The following ADGRG2 variants were observed in gnomAD, a reference collection of about 807,000 sequenced individuals.
ADGRG2 encodes adhesion G protein-coupled receptor G2, also known as G protein-coupled receptor 64.
A neutral mutation model predicts 74.1 loss-of-function variants in ADGRG2; 26 were observed. The observed-to-expected ratio is 0.35, with a 90% CI of 0.26 to 0.49. The LOEUF is 0.49. ADGRG2 is among the 20% of genes least tolerant of loss of function. The probability of loss-of-function intolerance (pLI) is 0.99; values close to 1 mark genes in which losing one functional copy is unlikely to be tolerated. For missense variants in ADGRG2, 619 were observed against 763.1 expected (o/e 0.81, Z 2.22); for synonymous variants, 296 against 295.2 (o/e 1.00, Z -0.03).
intron 3 of ADGRG2, among the ~76,000 whole-genome samples, chrX:19,050,112 G>A (rs1894333407): frequency 9.0e-6 from 1 of 111,567 alleles, no homozygotes; most frequent in Admixed American, 9.6e-5. Flanking sequence ...TTCTTTGGGA[G>A]GTAATCCCAG....
intron 1 of ADGRG2, among the ~76,000 whole-genome samples, chrX:19,091,248 G>A (rs971976106): frequency 9.0e-6 from 1 of 110,980 alleles, no homozygotes; most frequent in Non-Finnish European, 1.9e-5. Context: ...TGCTTTGAGA[G>A]CCATGGAAAG....
At position 18,990,629 on chromosome X, in the gene ADGRG2, A is replaced by G; in HGVS notation, c.*235T>C. ...AGTCATTCTTAGTGTATTGTTTAAA[A>G]CCAACCTTCTTATAAAATGAAAGAT... On this transcript the variant is annotated 3_prime_UTR_variant, in exon 29 of 29. Transcript: ENST00000379869. 3.7e-6 allele frequency: 1 copy of G among 268,338 alleles called. No homozygotes were observed. The highest frequency in any genetic ancestry group is 5.9e-5 in the East Asian group (1 of 16,977). 22.1% of individuals were successfully genotyped at this position (268,338 alleles called of 1,213,427 possible). A position where few individuals can be genotyped will look rare whatever the true frequency, so the allele number is the denominator to read the frequency against.
chrX:19,107,875 C>CA (rs2062337657), intron 1 of ADGRG2, among the ~76,000 whole-genome samples: 1 of 107,921 alleles, frequency 9.3e-6, no homozygotes. Flanking sequence ...CTGAGGCGGG[C>CA]GGATCACAAA....
At chrX:18,996,251 G>A in intron 26 of ADGRG2, 99 bp from the exon 27 acceptor site, 1 of 448,544 alleles carries the variant, frequency 2.2e-6, no homozygotes, top group Non-Finnish European at 4.0e-6. Context: ...TTTGGCAGCT[G>A]TGGGCAACAT....
rs1331110303 is a variant in ADGRG2, at chrX:19,013,719, C to T, written c.1066G>A (p.Val356Ile). The T allele has an allele frequency of 1.7e-6, 2 of 1,199,096 alleles. No homozygotes were observed. Among genetic ancestry groups the T allele is most frequent in the East Asian group, 3.0e-5 (1 of 33,760 alleles). Residue 356 changes from valine (V) to isoleucine (I), a missense_variant, in exon 16 of 29, where the codon GTC (valine) becomes ATC (isoleucine). By Grantham distance (29) the Val-to-Ile change is conservative. Around this residue, in one of 3 missense-constraint regions of ADGRG2, gnomAD observed 292 missense variants for 318.0 expected, o/e 0.92. Transcript: ENST00000379869. Reference protein sequence around the residue: ...SSPTVSAPANVNTTSAPPVQT... With the variant: ...SSPTVSAPANINTTSAPPVQT... ...ACAGGAGGTGCGCTGGTAGTGTTGA[C>T]ATTCGCAGGGGCAGACACGGTGGGA...
At chrX:19,106,493 T>TTGTG (rs199616929) in intron 1 of ADGRG2, among the ~76,000 whole-genome samples, 102 of 106,769 alleles carry the variant, frequency 9.6e-4, no homozygotes, top group South Asian at 4.1e-3. Context: ...TAGTGTGTGT[T>TTGTG]TGTGTGTGTG....
chrX:19,049,428 C>T (rs1341067751), intron 3 of ADGRG2, among the ~76,000 whole-genome samples: 1 of 96,802 alleles, frequency 1.0e-5, no homozygotes, highest in African/African-American at 4.4e-5. Flanking sequence ...CATATATAAG[C>T]GTTTTTTGTG....
At chrX:19,112,882 C>T (rs1476404624) in intron 1 of ADGRG2, among the ~76,000 whole-genome samples, 4 of 103,263 alleles carry the variant, frequency 3.9e-5, no homozygotes, top group African/African-American at 7.1e-5. Context: ...TGCTTGAACC[C>T]GGGAGATGGA....
At chrX:19,088,815 C>T (rs1268819762) in intron 1 of ADGRG2, among the ~76,000 whole-genome samples, 2 of 112,134 alleles carry the variant, frequency 1.8e-5, no homozygotes, top group Admixed American at 9.5e-5. Flanking sequence ...CCAAAAGCTA[C>T]ACAGATAAGG....
Position 19,045,294 on chromosome X carries a change from GTTA to G in ADGRG2, c.119-5073_119-5071del, listed in dbSNP as rs3056193. Among the ~76,000 whole-genome samples, 938 of 95,354 alleles carry G rather than the reference GTTA, an allele frequency of 9.8e-3. 11 individuals are homozygous for G. Among genetic ancestry groups the G allele is most frequent in the African/African-American group, 0.034 (868 of 25,850 alleles). 82.8% of individuals were successfully genotyped at this position (95,354 alleles called of 115,157 possible). ...ATCGAATACAGAAATGGGGGGTGTT[GTTA>G]TTATTATTATTATTATTATTATTAT... On this transcript the variant is annotated intron_variant, in intron 3 of 28. Coordinates refer to ENST00000379869, the MANE Select transcript of ADGRG2 (RefSeq NM_001079858.3).
chrX:19,072,741 A>G (rs746658661), intron 2 of ADGRG2, among the ~76,000 whole-genome samples: 5 of 110,771 alleles, frequency 4.5e-5, no homozygotes, highest in Non-Finnish European at 7.7e-5. Context: ...GACTGCTTTC[A>G]GTTGTCAGAT....
chrX:19,007,650 C>T (rs1014851069), intron 19 of ADGRG2, among the ~76,000 whole-genome samples: 6 of 111,999 alleles, frequency 5.4e-5, no homozygotes, highest in African/African-American at 1.6e-4. Context: ...CCAAGCAAGT[C>T]ACTTAACGTC....
intron 2 of ADGRG2, among the ~76,000 whole-genome samples, chrX:19,074,873 G>A (rs947674149): frequency 2.7e-5 from 3 of 109,804 alleles, no homozygotes; most frequent in African/African-American, 1.0e-4. Context: ...GCCCAGCTGC[G>A]CATTTTCTTA....
rs766501668 is a variant in ADGRG2, at chrX:18,989,427, G to GA, written c.*1436dup. 1 of 112,561 alleles carries GA rather than the reference G, an allele frequency of 8.9e-6. No individual in the cohort carries two copies. Among genetic ancestry groups the GA allele is most frequent in the African/African-American group, 3.2e-5 (1 of 31,019 alleles). The allele number at this position is 112,561 out of a possible 1,213,427, so 9.3% of individuals were successfully genotyped here. A position where few individuals can be genotyped will look rare whatever the true frequency, so the allele number is the denominator to read the frequency against. On this transcript the variant is annotated 3_prime_UTR_variant, in exon 29 of 29. Coordinates refer to ENST00000379869, the MANE Select transcript of ADGRG2 (RefSeq NM_001079858.3). Reference sequence around the variant, plus strand: ...TTGCAAAGACAAGTCAGCACTCACAGAAATGTGTATTATTACTATGGTTAG... The same window carrying GA: ...TTGCAAAGACAAGTCAGCACTCACAGAAAATGTGTATTATTACTATGGTTAG...
At chrX:19,083,728 A>G (rs1014769988) in intron 1 of ADGRG2, among the ~76,000 whole-genome samples, 1 of 112,345 alleles carries the variant, frequency 8.9e-6, no homozygotes, top group Non-Finnish European at 1.9e-5. Context: ...TATCTTTTAG[A>G]ATATTCCAAC....
chrX:19,035,868 C>T, intron 7 of ADGRG2, 74 bp downstream of exon 7: 1 of 542,716 alleles, frequency 1.8e-6, no homozygotes, highest in Non-Finnish European at 3.1e-6. Context: ...TTTAGTAACC[C>T]AGTAGACTGC....
Position 19,014,071 on chromosome X carries a change from G to T in ADGRG2, c.714C>A (p.Asp238Glu). The change falls in exon 16 of 29, where the codon GAC (aspartate) becomes GAA (glutamate). Residue 238 changes from aspartate (D) to glutamate (E), a missense_variant. Coordinates refer to ENST00000379869, the MANE Select transcript of ADGRG2 (RefSeq NM_001079858.3). ...SPEELEKLQC[D>E]LQDPIVCLAD... ...CAAGACAGACAATGGGATCCTGCAGGTCACTAAAGGAACAAATCAGAGAGA... is the reference window on the plus strand; with the variant it reads ...CAAGACAGACAATGGGATCCTGCAGTTCACTAAAGGAACAAATCAGAGAGA... 10 of 1,191,997 alleles carry T rather than the reference G, an allele frequency of 8.4e-6. No individual in the cohort carries two copies. Among genetic ancestry groups the T allele is most frequent in the Non-Finnish European group, 1.1e-5 (10 of 883,724 alleles).
At chrX:19,061,227 T>C (rs1444770465) in intron 3 of ADGRG2, among the ~76,000 whole-genome samples, 1 of 109,907 alleles carries the variant, frequency 9.1e-6, no homozygotes. Flanking sequence ...ATAGTACTGC[T>C]GATGTAAGCT....
At chrX:19,037,565 G>T in intron 5 of ADGRG2, 24 bp downstream of exon 5, 1 of 1,157,604 alleles carries the variant, frequency 8.6e-7, no homozygotes, top group Non-Finnish European at 1.2e-6. Flanking sequence ...CTAAATCTAG[G>T]TTTAAATTTT....
Sources: gnomAD v4.1 joint callset for allele counts (sites outside exome capture counted in the v4.1 genomes callset) on GRCh38, gnomAD v4.1.1 for gene constraint, gnomAD v4.1.1 regional missense constraint, MANE v1.5 for transcripts, NCBI Gene and HGNC (gene_info 2026-07-23, HGNC 2026-07-21) for gene names.